Variants in NTNG1 observed in about 807,000 individuals in gnomAD.
NTNG1 encodes the protein netrin G1.
A neutral mutation model predicts 54.0 loss-of-function variants in NTNG1; 16 were observed. The observed-to-expected ratio is 0.30, with a 90% CI of 0.20 to 0.45. NTNG1 has a LOEUF of 0.45. Ranked by LOEUF, NTNG1 falls within the 20% of genes least tolerant of loss-of-function variation. The pLI, the probability that NTNG1 is intolerant of heterozygous loss-of-function variation, is 1.00. For synonymous variants in NTNG1, 255 were observed against 263.1 expected (o/e 0.97, Z 0.30); for missense variants, 530 against 678.7 (o/e 0.78, Z 2.43).
chr1:107,383,626 G>A (rs1671777223), intron 3 of NTNG1, among the ~76,000 whole-genome samples: 1 of 152,158 alleles, frequency 6.6e-6, no homozygotes, highest in African/African-American at 2.4e-5. Context: ...CTACATTATA[G>A]CTAATAATAA....
intron 2 of NTNG1, among the ~76,000 whole-genome samples, chr1:107,219,868 T>G (rs1044100221): frequency 1.3e-5 from 2 of 152,110 alleles, no homozygotes; most frequent in Non-Finnish European, 2.9e-5. Flanking sequence ...TTTGTGTTGG[T>G]TAGCCTCCAA....
intron 5 of NTNG1, among the ~76,000 whole-genome samples, chr1:107,420,461 A>G (rs1570925124): frequency 6.6e-6 from 1 of 152,188 alleles, no homozygotes; most frequent in Admixed American, 6.6e-5. Context: ...CTTCATGAAT[A>G]ATTGGAAAAG....
At chr1:107,331,970 G>A (rs1453617120) in intron 3 of NTNG1, among the ~76,000 whole-genome samples, 3 of 151,596 alleles carry the variant, frequency 2.0e-5, no homozygotes, top group Non-Finnish European at 4.4e-5. Context: ...CAAATGAAAA[G>A]CATGGTAATC....
chr1:107,377,298 C>T (rs1402335018), intron 3 of NTNG1, among the ~76,000 whole-genome samples: 4 of 152,192 alleles, frequency 2.6e-5, no homozygotes, highest in African/African-American at 9.7e-5. Flanking sequence ...AGGATTATCT[C>T]AGTCACCACC....
At chr1:107,159,348 C>T (rs777538214) in intron 2 of NTNG1, among the ~76,000 whole-genome samples, 16 of 152,084 alleles carry the variant, frequency 1.1e-4, no homozygotes, top group Non-Finnish European at 1.6e-4. Flanking sequence ...TTTATAGTGC[C>T]GAGCATGGTG....
At chr1:107,376,386 T>C (rs192362584) in intron 3 of NTNG1, among the ~76,000 whole-genome samples, 323 of 148,358 alleles carry the variant, frequency 2.2e-3, no homozygotes, top group Middle Eastern at 0.014. Flanking sequence ...CCAGCCTGGG[T>C]GACAGAGTGA....
intron 2 of NTNG1, among the ~76,000 whole-genome samples, chr1:107,295,461 C>T (rs1173279986): frequency 6.6e-6 from 1 of 152,096 alleles, no homozygotes; most frequent in Admixed American, 6.6e-5. Flanking sequence ...CATTTCATGG[C>T]TTATGCAATT....
chr1:107,257,484 C>T (rs1312927099), intron 2 of NTNG1, among the ~76,000 whole-genome samples: 1 of 152,178 alleles, frequency 6.6e-6, no homozygotes, highest in African/African-American at 2.4e-5. Flanking sequence ...GGATTTACTT[C>T]TTTTTTCTTT....
chr1:107,361,180 T>C (rs972939541), intron 3 of NTNG1, among the ~76,000 whole-genome samples: 6 of 144,326 alleles, frequency 4.2e-5, no homozygotes, highest in Non-Finnish European at 6.1e-5. Flanking sequence ...ATATATATTA[T>C]ATTATATATA....
chr1:107,357,465 A>T (rs1339590430), intron 3 of NTNG1, among the ~76,000 whole-genome samples: 1 of 152,200 alleles, frequency 6.6e-6, no homozygotes, highest in African/African-American at 2.4e-5. Flanking sequence ...CCATAAACAT[A>T]TGAGAGCTCA....
chr1:107,177,969 G>A (rs1656774905), intron 2 of NTNG1, among the ~76,000 whole-genome samples: 1 of 152,128 alleles, frequency 6.6e-6, no homozygotes, highest in Non-Finnish European at 1.5e-5. Context: ...ATTATAGTAA[G>A]TTGAGAACTT....
intron 2 of NTNG1, among the ~76,000 whole-genome samples, chr1:107,149,433 G>T (rs116806468): frequency 6.6e-6 from 1 of 152,086 alleles, no homozygotes; most frequent in African/African-American, 2.4e-5. Context: ...TCCCCTTATT[G>T]TCAAGGTCAT....
chr1:107,355,692 A>T lies in NTNG1; in HGVS notation c.887+30770A>T, dbSNP rs546838313. On this transcript the variant is annotated intron_variant, in intron 3 of 7. Transcript: ENST00000370068. ...CTCTATGAAATGTGCATATATAAACAGACACACACTAATTTGCCCTTTCTC... is the reference window on the plus strand; with the variant it reads ...CTCTATGAAATGTGCATATATAAACTGACACACACTAATTTGCCCTTTCTC... Among the ~76,000 whole-genome samples, 14 of 152,306 alleles carry T rather than the reference A, an allele frequency of 9.2e-5. 1 individual carries two copies. In the East Asian group the frequency reaches 1.9e-3, roughly 21 times the overall value.
At chr1:107,392,778 A>G (rs951744472) in intron 3 of NTNG1, among the ~76,000 whole-genome samples, 24 of 152,250 alleles carry the variant, frequency 1.6e-4, no homozygotes, top group African/African-American at 5.8e-4. Context: ...CCTCACCTTA[A>G]GATGGGAGAG....
intron 7 of NTNG1, among the ~76,000 whole-genome samples, chr1:107,458,172 T>C (rs1210726722): frequency 6.6e-6 from 1 of 152,138 alleles, no homozygotes; most frequent in Non-Finnish European, 1.5e-5. Flanking sequence ...ACTTTAAATC[T>C]ATTAGTCAGA....
chr1:107,358,914 C>T (rs564021792), intron 3 of NTNG1, among the ~76,000 whole-genome samples: 1 of 152,306 alleles, frequency 6.6e-6, no homozygotes, highest in African/African-American at 2.4e-5. Flanking sequence ...CTAGACTTGA[C>T]AGCTCCACTG....
At position 107,324,276 on chromosome 1, in the gene NTNG1, C is replaced by T; in HGVS notation, c.247-6C>T. The T allele has an allele frequency of 3.1e-6, 5 of 1,611,006 alleles. No individual in the cohort carries two copies. The highest frequency in any genetic ancestry group is 1.1e-5 in the South Asian group (1 of 90,900). On this transcript the variant is annotated splice_region_variant and splice_polypyrimidine_tract_variant and intron_variant, in intron 2 of 7. Coordinates refer to ENST00000370068, the MANE Select transcript of NTNG1 (RefSeq NM_001113226.3). ...TGATGCACGCTCTTTTGTTCTTCTT[C>T]CATAGGGCAATCCCTACATGTGCAA...
chr1:107,354,532 A>G (rs1053367066), intron 3 of NTNG1, among the ~76,000 whole-genome samples: 1 of 151,672 alleles, frequency 6.6e-6, no homozygotes, highest in African/African-American at 2.4e-5. Context: ...TAATTAAACC[A>G]TTAAACACCA....
intron 7 of NTNG1, among the ~76,000 whole-genome samples, chr1:107,461,056 A>G (rs1677252553): frequency 6.6e-6 from 1 of 152,200 alleles, no homozygotes; most frequent in African/African-American, 2.4e-5. Context: ...CAAGACAGAG[A>G]AGGCTTTAAT....
Sources: gnomAD v4.1 joint callset for allele counts (sites outside exome capture counted in the v4.1 genomes callset) on GRCh38, gnomAD v4.1.1 for gene constraint, MANE v1.5 for transcripts, NCBI Gene and HGNC (gene_info 2026-07-23, HGNC 2026-07-21) for gene names.